AVEN: variants seen among roughly 807,000 people sequenced by gnomAD.
AVEN encodes apoptosis and caspase activation inhibitor.
A neutral mutation model predicts 38.1 loss-of-function variants in AVEN; 41 were observed. That is an observed-to-expected ratio of 1.08 (90% confidence interval 0.84 to 1.40). AVEN has a LOEUF of 1.40. Ranked by LOEUF, AVEN falls within the 40% of genes most tolerant of loss-of-function variation. The pLI, the probability that AVEN is intolerant of heterozygous loss-of-function variation, is 0.00. For missense variants in AVEN, 605 were observed against 438.8 expected (o/e 1.38, Z -3.38); for synonymous variants, 206 against 171.8 (o/e 1.20, Z -1.56).
chr15:33,972,327 A>G (rs1895672348), intron 2 of AVEN: 1 of 152,108 alleles, frequency 6.6e-6, no homozygotes, highest in Non-Finnish European at 1.5e-5. Context: ...AGAAAATTGA[A>G]AAATTACCAA....
intron 2 of AVEN, among the ~76,000 whole-genome samples, chr15:33,978,631 C>T (rs926822617): frequency 8.6e-5 from 13 of 151,792 alleles, no homozygotes; most frequent in African/African-American, 3.1e-4. Flanking sequence ...CCACTGCATG[C>T]CAGCCTGGGT....
At position 33,928,286 on chromosome 15, in the gene AVEN, T is replaced by C. The variant is rs148393621; in HGVS notation, c.446-52291A>G. 1.6e-3 allele frequency among the ~76,000 whole-genome samples: 241 copies of C among 152,296 alleles called. 2 individuals are homozygous for C. In the East Asian group the frequency reaches 0.041, roughly 26 times the overall value. On this transcript the variant is annotated intron_variant, in intron 2 of 5. Transcript: ENST00000306730. ...AAGATTAGTCCCTGCAAAAGAAAAC[T>C]TGAAAGCTCTGAAATCTTACAGTTC...
chr15:33,999,907 A>C (rs1299289842), intron 2 of AVEN, among the ~76,000 whole-genome samples: 1 of 152,180 alleles, frequency 6.6e-6, no homozygotes, highest in Non-Finnish European at 1.5e-5. Flanking sequence ...TCTCACTCAG[A>C]ATAAAAGAAA....
chr15:33,943,473 T>C (rs185574536), intron 2 of AVEN, among the ~76,000 whole-genome samples: 12 of 152,268 alleles, frequency 7.9e-5, no homozygotes, highest in Non-Finnish European at 1.8e-4. Flanking sequence ...ACAAGGGAGA[T>C]AGTGTATAAT....
chr15:34,054,998 G>A (rs1438072249), intron 5 of AVEN, among the ~76,000 whole-genome samples: 5 of 152,126 alleles, frequency 3.3e-5, no homozygotes, highest in Non-Finnish European at 7.4e-5. Context: ...TTCGAGACCA[G>A]CCTGACCAAC....
intron 2 of AVEN, among the ~76,000 whole-genome samples, chr15:33,893,474 T>A (rs535827833): frequency 6.6e-6 from 1 of 152,190 alleles, no homozygotes; most frequent in African/African-American, 2.4e-5. Context: ...CCTGTGAAGA[T>A]AGCTTGAGCC....
intron 2 of AVEN, among the ~76,000 whole-genome samples, chr15:34,068,138 G>GTA (rs1900555405): frequency 6.6e-6 from 1 of 151,908 alleles, no homozygotes; most frequent in Admixed American, 6.6e-5. Flanking sequence ...GTGTGTGTGT[G>GTA]TGCACATTTT....
chr15:33,897,461 G>C (rs985940150), intron 2 of AVEN, among the ~76,000 whole-genome samples: 1 of 152,042 alleles, frequency 6.6e-6, no homozygotes, highest in African/African-American at 2.4e-5. Flanking sequence ...GTAGAGACAG[G>C]GTTTCACCAT....
chr15:33,904,900 C>T (rs921200901), intron 2 of AVEN, among the ~76,000 whole-genome samples: 18 of 151,460 alleles, frequency 1.2e-4, no homozygotes, highest in East Asian at 5.9e-4. Flanking sequence ...GAGGCCGAGG[C>T]GGGTGGATCA....
At chr15:33,989,755 A>T (rs1043341013) in intron 2 of AVEN, among the ~76,000 whole-genome samples, 3 of 152,072 alleles carry the variant, frequency 2.0e-5, no homozygotes, top group African/African-American at 7.2e-5. Flanking sequence ...TTCCAATTAA[A>T]TATGACATTG....
At chr15:33,919,230 A>G (rs2153047450) in intron 2 of AVEN, among the ~76,000 whole-genome samples, 1 of 152,242 alleles carries the variant, frequency 6.6e-6, no homozygotes, top group African/African-American at 2.4e-5. Context: ...AAAAATCCAT[A>G]CTAATATCTT....
rs1381411256 is a variant in AVEN at position 34,073,986 on chromosome 15, C to CTTTTTTTTTTTTTTTTTTT, written n.720+449_720+450insAAAAAAAAAAAAAAAAAAA. Among the ~76,000 whole-genome samples the CTTTTTTTTTTTTTTTTTTT allele has an allele frequency of 1.7e-4, 19 of 112,190 alleles. 7 individuals carry two copies. Among genetic ancestry groups the CTTTTTTTTTTTTTTTTTTT allele is most frequent in the African/African-American group, 6.2e-4 (15 of 24,272 alleles). 73.6% of individuals were successfully genotyped at this position (112,190 alleles called of 152,430 possible). On this transcript the variant is annotated intron_variant and non_coding_transcript_variant, in intron 1 of 11. Coordinates refer to the AVEN transcript ENST00000675287. ...TGGAGGAACTTTCTTTTTTCTTCTT[C>CTTTTTTTTTTTTTTTTTTT]TTCTTTTTTTTTTTTTTTTTTTTTT...
intron 2 of AVEN, among the ~76,000 whole-genome samples, chr15:33,876,940 CAT>C (rs1452321693): frequency 6.6e-6 from 1 of 152,134 alleles, no homozygotes; most frequent in Non-Finnish European, 1.5e-5. Flanking sequence ...CTCCTTCCCA[CAT>C]GACTTTTTGA....
downstream of AVEN, among the ~76,000 whole-genome samples, chr15:33,855,637 CTGATATCTGCATCCAATTAAGAGCCA>C (rs2079575183): frequency 2.8e-4 from 2 of 7,108 alleles, no homozygotes; most frequent in African/African-American, 5.1e-4. Context: ...GCCAATATTT[CTGATATCTGCATCCAATTAAGAGCCA>C]ATGATTTCAG....
intron 1 of AVEN, among the ~76,000 whole-genome samples, chr15:34,009,887 A>C (rs1006034203): frequency 6.6e-6 from 1 of 152,138 alleles, no homozygotes; most frequent in Non-Finnish European, 1.5e-5. Flanking sequence ...ACTTGAGCCC[A>C]AGAGTTTGAA....
At chr15:33,911,632 C>T (rs1378502079) in intron 2 of AVEN, among the ~76,000 whole-genome samples, 1 of 152,036 alleles carries the variant, frequency 6.6e-6, no homozygotes, top group African/African-American at 2.4e-5. Flanking sequence ...TTCTGAGCCA[C>T]GAACTGAGAC....
chr15:34,049,366 C>A (rs1417986223), intron 5 of AVEN, among the ~76,000 whole-genome samples: 4 of 152,158 alleles, frequency 2.6e-5, no homozygotes, highest in Non-Finnish European at 4.4e-5. Context: ...ACATAACAGA[C>A]CTAATGGTGC....
At chr15:33,905,344 A>C (rs962473371) in intron 2 of AVEN, among the ~76,000 whole-genome samples, 3 of 152,146 alleles carry the variant, frequency 2.0e-5, no homozygotes, top group African/African-American at 7.2e-5. Flanking sequence ...CATTGGAAAA[A>C]TAAGGATAAT....
At chr15:33,863,944 C>T (rs1189393640), downstream of AVEN, among the ~76,000 whole-genome samples, 1 of 152,120 alleles carries the variant, frequency 6.6e-6, no homozygotes, top group Admixed American at 6.5e-5. Flanking sequence ...CACAAAGTGG[C>T]TAATTTTGAG....
Sources: gnomAD v4.1 joint callset for allele counts (sites outside exome capture counted in the v4.1 genomes callset) on GRCh38, gnomAD v4.1.1 for gene constraint, MANE v1.5 for transcripts, NCBI Gene and HGNC (gene_info 2026-07-23, HGNC 2026-07-21) for gene names.